Variants in IQGAP2 observed in about 807,000 individuals in gnomAD.
IQGAP2 encodes ras GTPase-activating-like protein IQGAP2.
A neutral mutation model predicts 201.3 loss-of-function variants in IQGAP2; 173 were observed. The observed-to-expected ratio is 0.86, with a 90% CI of 0.76 to 0.98. IQGAP2 has a LOEUF of 0.98. IQGAP2 is among the 50% of genes least tolerant of loss of function. IQGAP2 has a pLI of 0.00. For missense variants in IQGAP2, 1,687 were observed against 1,864.8 expected (o/e 0.90, Z 1.76); for synonymous variants, 675 against 673.9 (o/e 1.00, Z -0.03).
rs555784418 is a variant in IQGAP2 at position 76,458,339 on chromosome 5, A to G, written c.47-3231A>G. On this transcript the variant is annotated intron_variant, in intron 1 of 35. Transcript: ENST00000274364. The stretch of plus-strand genomic sequence containing the variant: ...AGCCACATCTTAAGTGAATTATTTT[A>G]TTAGCTCCATGATGGATCTTTAAAT... 2.0e-5 allele frequency among the ~76,000 whole-genome samples: 3 copies of G among 152,342 alleles called. No homozygotes were observed. In the South Asian group the frequency reaches 6.2e-4, roughly 32 times the overall value.
chr5:76,681,817 T>C (rs1745328948), intron 28 of IQGAP2, among the ~76,000 whole-genome samples: 2 of 152,332 alleles, frequency 1.3e-5, no homozygotes, highest in South Asian at 4.1e-4. Context: ...AGCAGCATTG[T>C]TCACAACAGC....
intron 11 of IQGAP2, among the ~76,000 whole-genome samples, chr5:76,602,860 A>G (rs1415607158): frequency 6.6e-6 from 1 of 152,188 alleles, no homozygotes; most frequent in Non-Finnish European, 1.5e-5. Flanking sequence ...GGCCACCTTG[A>G]CAAATTCATG....
chr5:76,406,363 G>A (rs1309337490), intron 1 of IQGAP2, among the ~76,000 whole-genome samples: 1 of 152,112 alleles, frequency 6.6e-6, no homozygotes, highest in Non-Finnish European at 1.5e-5. Flanking sequence ...ACATCTTCCT[G>A]CAATCTGTGA....
intron 2 of IQGAP2, among the ~76,000 whole-genome samples, chr5:76,538,893 G>A (rs537841302): frequency 1.3e-5 from 2 of 152,298 alleles, no homozygotes; most frequent in Admixed American, 6.5e-5. Flanking sequence ...CTCGCCAAGC[G>A]GAGTTGGTGG....
At chr5:76,706,624 AG>A (rs1747929373) in intron 35 of IQGAP2, among the ~76,000 whole-genome samples, 1 of 152,204 alleles carries the variant, frequency 6.6e-6, no homozygotes, top group Non-Finnish European at 1.5e-5. Context: ...CTGGTATTAC[AG>A]GAATGAGCCA....
chr5:76,435,040 G>T (rs1209838593), intron 1 of IQGAP2, among the ~76,000 whole-genome samples: 1 of 149,850 alleles, frequency 6.7e-6, no homozygotes, highest in East Asian at 1.9e-4. Flanking sequence ...CTCATTTTTT[G>T]ATGGGATTCT....
intron 2 of IQGAP2, among the ~76,000 whole-genome samples, chr5:76,543,086 A>G (rs550972210): frequency 2.6e-4 from 39 of 152,318 alleles, no homozygotes; most frequent in African/African-American, 9.4e-4. Flanking sequence ...TCTTACAGAT[A>G]ATCAGTACTG....
At position 76,556,731 on chromosome 5, in the gene IQGAP2, C is replaced by A. The variant is rs528279604; in HGVS notation, c.147-5665C>A. The stretch of plus-strand genomic sequence containing the variant: ...TTATTCTGTCAGCAGAGTCTGTCAC[C>A]TGTCCTAGAAGAATAGTCTTGTTTG... On this transcript the variant is annotated intron_variant, in intron 2 of 35. Transcript: ENST00000274364. Among the ~76,000 whole-genome samples the A allele has an allele frequency of 7.2e-5, 11 of 152,294 alleles. No homozygotes were observed. In the South Asian group the frequency reaches 2.3e-3, roughly 32 times the overall value.
intron 2 of IQGAP2, among the ~76,000 whole-genome samples, chr5:76,513,973 C>T (rs1488141236): frequency 6.8e-6 from 1 of 147,638 alleles, no homozygotes; most frequent in Non-Finnish European, 1.5e-5. Flanking sequence ...TTTTAATTTT[C>T]CTGTAAACCT....
In IQGAP2 at chr5:76,654,933, G is replaced by A; in HGVS notation, c.2251-1G>A. On this transcript the variant is annotated splice_acceptor_variant, in intron 19 of 35. Transcript: ENST00000274364. LOFTEE classifies it high-confidence loss of function. ...TCAAGACTTGTCTTAATCTTTTGCA[G>A]AATAATGAAATTGTGAAAATACAGT... 1 of 1,606,438 alleles carries A rather than the reference G, an allele frequency of 6.2e-7. No homozygotes were observed. Among genetic ancestry groups the A allele is most frequent in the Non-Finnish European group, 8.5e-7 (1 of 1,173,344 alleles).
At chr5:76,616,336 C>T (rs754257062) in intron 13 of IQGAP2, 6 of 152,404 alleles carry the variant, frequency 3.9e-5, no homozygotes, top group Non-Finnish European at 7.4e-5. Flanking sequence ...TATAGCAGAG[C>T]AAGAGGTTTG....
intron 2 of IQGAP2, among the ~76,000 whole-genome samples, chr5:76,537,505 A>G (rs1031158407): frequency 6.6e-6 from 1 of 150,686 alleles, no homozygotes; most frequent in Admixed American, 6.6e-5. Flanking sequence ...TTTTTTTTCA[A>G]TAGTGCTTTT....
At chr5:76,429,746 A>G (rs1057362947) in intron 1 of IQGAP2, among the ~76,000 whole-genome samples, 6 of 151,314 alleles carry the variant, frequency 4.0e-5, no homozygotes, top group African/African-American at 1.5e-4. Context: ...GAAGAACATC[A>G]ATCTATGAAA....
At chr5:76,460,460 T>A (rs1485646537) in intron 1 of IQGAP2, among the ~76,000 whole-genome samples, 2 of 152,020 alleles carry the variant, frequency 1.3e-5, no homozygotes, top group African/African-American at 4.8e-5. Flanking sequence ...TCAAAAGTTT[T>A]GAGAGGGGAA....
intron 17 of IQGAP2, among the ~76,000 whole-genome samples, chr5:76,641,660 C>T (rs1751594522): frequency 6.6e-6 from 1 of 152,140 alleles, no homozygotes; most frequent in African/African-American, 2.4e-5. Context: ...TTCTGATTGG[C>T]AGGAGAATTT....
intron 13 of IQGAP2, chr5:76,618,217 C>T: frequency 6.2e-7 from 1 of 1,614,162 alleles, no homozygotes; most frequent in Non-Finnish European, 8.5e-7. Context: ...CGGCACAGGA[C>T]CTCTCCAAAT....
At chr5:76,436,202 C>G (rs1051980574) in intron 1 of IQGAP2, among the ~76,000 whole-genome samples, 4 of 151,630 alleles carry the variant, frequency 2.6e-5, no homozygotes, top group African/African-American at 4.8e-5. Flanking sequence ...TTTGGATGCC[C>G]TTTATTTCTT....
At chr5:76,587,375 A>T (rs1310785066) in intron 5 of IQGAP2, among the ~76,000 whole-genome samples, 2 of 151,026 alleles carry the variant, frequency 1.3e-5, no homozygotes, top group Non-Finnish European at 3.0e-5. Flanking sequence ...GTCTGTGTCT[A>T]TATGTAAGTA....
At chr5:76,586,527 C>A (rs1030131196) in intron 5 of IQGAP2, among the ~76,000 whole-genome samples, 1 of 152,192 alleles carries the variant, frequency 6.6e-6, no homozygotes, top group Non-Finnish European at 1.5e-5. Flanking sequence ...TCCCAACCAC[C>A]ATAAGGAAAT....
Sources: allele counts gnomAD v4.1 joint callset (sites outside exome capture counted in the v4.1 genomes callset), GRCh38; gene constraint gnomAD v4.1.1; transcripts MANE v1.5; gene names NCBI Gene and HGNC (gene_info 2026-07-23, HGNC 2026-07-21).